Variants in DISC1 observed in about 807,000 individuals in gnomAD.
DISC1 encodes DISC1 scaffold protein.
In DISC1, 57 loss-of-function variants were observed where a neutral mutation model predicts 84.5. The observed-to-expected ratio is 0.67, with a 90% CI of 0.55 to 0.84. The LOEUF (loss-of-function observed/expected upper bound fraction) is 0.84, where lower values mean the gene tolerates loss of function less well. DISC1 is among the 40% of genes least tolerant of loss of function. The pLI is 0.00. For synonymous variants in DISC1, 411 were observed against 415.2 expected (o/e 0.99, Z 0.12); for missense variants, 1,000 against 1,057.8 (o/e 0.95, Z 0.76).
chr1:231,726,807 G>A (rs2125143628), intron 3 of DISC1, among the ~76,000 whole-genome samples: 1 of 152,296 alleles, frequency 6.6e-6, no homozygotes, highest in Middle Eastern at 3.4e-3. Flanking sequence ...CAGGAAAAGA[G>A]AGACGGATGG....
At chr1:231,735,072 A>C (rs896271191) in intron 3 of DISC1, among the ~76,000 whole-genome samples, 41 of 152,196 alleles carry the variant, frequency 2.7e-4, no homozygotes, top group African/African-American at 9.9e-4. Flanking sequence ...AAACAGCTCA[A>C]ATTTTGTAGC....
intron 1 of DISC1, among the ~76,000 whole-genome samples, chr1:231,652,909 A>G (rs914291698): frequency 1.3e-5 from 2 of 152,152 alleles, no homozygotes; most frequent in Non-Finnish European, 2.9e-5. Context: ...CCTCCTGAGT[A>G]GCTAGGATTA....
intron 10 of DISC1, among the ~76,000 whole-genome samples, chr1:231,989,907 G>C (rs1664972809): frequency 6.6e-6 from 1 of 152,178 alleles, no homozygotes; most frequent in Non-Finnish European, 1.5e-5. Flanking sequence ...AAGCGGTGGA[G>C]CTGGGCTTTG....
chr1:231,795,912 G>A (rs2078726824), intron 7 of DISC1, among the ~76,000 whole-genome samples: 1 of 152,108 alleles, frequency 6.6e-6, no homozygotes, highest in African/African-American at 2.4e-5. Context: ...ATGCTTTCAG[G>A]ATGGTAGTAA....
intron 9 of DISC1, among the ~76,000 whole-genome samples, chr1:231,934,906 G>A (rs2090886276): frequency 6.6e-6 from 1 of 152,172 alleles, no homozygotes; most frequent in Non-Finnish European, 1.5e-5. Flanking sequence ...GAGCGGTTTG[G>A]TGAAAACCGA....
intron 10 of DISC1, among the ~76,000 whole-genome samples, chr1:231,982,261 G>A (rs1253398495): frequency 6.6e-6 from 1 of 152,072 alleles, no homozygotes; most frequent in East Asian, 1.9e-4. Context: ...GATTAAATCA[G>A]CAGCATTAGG....
chr1:231,873,602 A>G (rs1368309820), intron 9 of DISC1, among the ~76,000 whole-genome samples: 2 of 152,242 alleles, frequency 1.3e-5, no homozygotes, highest in Non-Finnish European at 2.9e-5. Context: ...TTTACTAATG[A>G]GAAGGCAGGT....
intron 10 of DISC1, among the ~76,000 whole-genome samples, chr1:231,982,666 G>A (rs1204647461): frequency 1.3e-5 from 2 of 152,008 alleles, no homozygotes; most frequent in Non-Finnish European, 2.9e-5. Flanking sequence ...TGGAGCTTCT[G>A]GAAAGCGACT....
chr1:231,950,969 G>T (rs1489716697), intron 9 of DISC1, among the ~76,000 whole-genome samples: 1 of 152,192 alleles, frequency 6.6e-6, no homozygotes, highest in South Asian at 2.1e-4. Context: ...CTCTCTGAGG[G>T]TGGTGACTCA....
chr1:231,976,914 T>C (rs1371461868), intron 10 of DISC1, among the ~76,000 whole-genome samples: 2 of 152,160 alleles, frequency 1.3e-5, no homozygotes, highest in African/African-American at 2.4e-5. Context: ...GATAATCTGC[T>C]ATATACTTTA....
intron 3 of DISC1, among the ~76,000 whole-genome samples, chr1:231,720,245 C>T (rs571451750): frequency 6.6e-6 from 1 of 152,224 alleles, no homozygotes; most frequent in East Asian, 1.9e-4. Flanking sequence ...TCGCAGGTAC[C>T]CCACTATAGT....
intron 9 of DISC1, among the ~76,000 whole-genome samples, chr1:231,877,987 A>C (rs1174537537): frequency 3.9e-4 from 60 of 152,272 alleles, no homozygotes; most frequent in Admixed American, 3.9e-3. Flanking sequence ...CTCAAATTGC[A>C]GCAGAAAGGA....
chr1:231,921,737 G>A (rs1259878481), intron 9 of DISC1, among the ~76,000 whole-genome samples: 1 of 150,440 alleles, frequency 6.6e-6, no homozygotes, highest in East Asian at 2.0e-4. Context: ...GTGATGATTT[G>A]ATGTATGCAT....
At chr1:231,959,548 T>C (rs199693129) in intron 10 of DISC1, 349 of 975,660 alleles carry the variant, frequency 3.6e-4, no homozygotes, top group Non-Finnish European at 4.2e-4. Flanking sequence ...CATTTTGCTA[T>C]TATTTTGGAA....
At chr1:231,834,068 A>G (rs1161664072) in intron 9 of DISC1, among the ~76,000 whole-genome samples, 1 of 152,104 alleles carries the variant, frequency 6.6e-6, no homozygotes, top group Admixed American at 6.5e-5. Flanking sequence ...GAGCCTAAAC[A>G]CTATCTGATT....
Position 231,698,879 on chromosome 1 carries a change from G to T in DISC1, c.1048-3076G>T, listed in dbSNP as rs1427397395. 6.6e-6 allele frequency among the ~76,000 whole-genome samples: 1 copy of T among 152,130 alleles called. No homozygotes were observed. Among genetic ancestry groups the T allele is most frequent in the Non-Finnish European group, 1.5e-5 (1 of 68,014 alleles). On this transcript the variant is annotated intron_variant, in intron 2 of 12. Coordinates refer to ENST00000439617, the MANE Select transcript of DISC1 (RefSeq NM_018662.3). The surrounding 1 kb of genome is among the most constrained non-coding windows in gnomAD (Gnocchi z 4.9). ...TATAGAACAATTCAAAGACAAAGGG[G>T]TTAATATGATTATTCATTCATTCTT... is the stretch of plus-strand genomic sequence containing the variant.
chr1:232,019,201 C>A (rs1572653174), intron 11 of DISC1, among the ~76,000 whole-genome samples: 1 of 152,042 alleles, frequency 6.6e-6, no homozygotes, highest in African/African-American at 2.4e-5. Context: ...GGGATTGAAG[C>A]GTTCCTGGAA....
chr1:231,916,496 T>C (rs1025126301), intron 9 of DISC1, among the ~76,000 whole-genome samples: 2 of 150,836 alleles, frequency 1.3e-5, no homozygotes, highest in Non-Finnish European at 3.0e-5. Flanking sequence ...CTACTAAAAA[T>C]ACAAAAAAAT....
intron 12 of DISC1, among the ~76,000 whole-genome samples, chr1:232,028,495 C>A (rs897424303): frequency 2.0e-5 from 3 of 152,078 alleles, no homozygotes; most frequent in Non-Finnish European, 4.4e-5. Context: ...AAACAAGATC[C>A]TTTTAGTTTT....
Sources: gnomAD v4.1 joint callset for allele counts (sites outside exome capture counted in the v4.1 genomes callset) on GRCh38, gnomAD v4.1.1 for gene constraint, Gnocchi (gnomAD v3.1) non-coding constraint, MANE v1.5 for transcripts, NCBI Gene and HGNC (gene_info 2026-07-23, HGNC 2026-07-21) for gene names.